B3GLCT: variants seen among roughly 807,000 people sequenced by gnomAD.
The protein encoded by B3GLCT is beta 3-glucosyltransferase, also known as beta-1,3-glucosyltransferase.
B3GLCT carries 65 observed loss-of-function variants against 63.4 expected under a neutral mutation model. That is an observed-to-expected ratio of 1.03 (90% CI 0.84 to 1.26). The LOEUF is 1.26. B3GLCT is among the 50% of genes most tolerant of loss of function. The pLI is 0.00. For synonymous variants in B3GLCT, 233 were observed against 219.2 expected (o/e 1.06, Z -0.55); for missense variants, 577 against 604.8 (o/e 0.95, Z 0.48).
intron 12 of B3GLCT, among the ~76,000 whole-genome samples, chr13:31,316,090 A>G (rs897459970): frequency 6.6e-6 from 1 of 152,138 alleles, no homozygotes; most frequent in Admixed American, 6.5e-5. Flanking sequence ...TGGGGCCCTC[A>G]TGAAGAACTT....
rs959334937 is a variant in B3GLCT, at chr13:31,331,995, T to C, written c.*2327T>C. The C allele has an allele frequency of 5.9e-5, 9 of 152,212 alleles. No homozygotes were observed. The highest frequency in any genetic ancestry group is 2.2e-4 in the African/African-American group (9 of 41,464). 9.4% of individuals were successfully genotyped at this position (152,212 alleles called of 1,614,324 possible). A position where few individuals can be genotyped will look rare whatever the true frequency, so the allele number is the denominator to read the frequency against. On this transcript the variant is annotated 3_prime_UTR_variant, in exon 15 of 15. Coordinates refer to ENST00000343307, the MANE Select transcript of B3GLCT (RefSeq NM_194318.4). ...AGGTTGTCTGACTATGTAGGATTTT[T>C]ACATCTTGAAACTAAATCAGAAATC...
chr13:31,295,869 A>G (rs1430130300), intron 12 of B3GLCT, among the ~76,000 whole-genome samples: 1 of 151,122 alleles, frequency 6.6e-6, no homozygotes, highest in African/African-American at 2.4e-5. Flanking sequence ...GTATAAAAAA[A>G]CTCCTGCAGC....
At chr13:31,248,040 G>T in intron 6 of B3GLCT, 74 bp downstream of exon 6, 1 of 843,004 alleles carries the variant, frequency 1.2e-6, no homozygotes, top group South Asian at 1.5e-5. Flanking sequence ...TGATTAAGAA[G>T]CTTTTGAATC....
At chr13:31,262,414 G>A (rs746035187) in intron 7 of B3GLCT, among the ~76,000 whole-genome samples, 7 of 152,234 alleles carry the variant, frequency 4.6e-5, no homozygotes, top group Non-Finnish European at 1.0e-4. Flanking sequence ...AAGAGCATCT[G>A]CACAGTTTCC....
intron 12 of B3GLCT, among the ~76,000 whole-genome samples, chr13:31,315,083 G>A (rs1037822594): frequency 7.9e-5 from 12 of 152,158 alleles, no homozygotes; most frequent in East Asian, 5.8e-4. Flanking sequence ...ATTAAACCTC[G>A]TTTGCTTCCC....
intron 9 of B3GLCT, 99 bp from the exon 10 acceptor site, chr13:31,276,603 C>T (rs773710706): frequency 4.8e-5 from 38 of 786,534 alleles, no homozygotes; most frequent in Non-Finnish European, 7.1e-5. Flanking sequence ...GTATCCTTGA[C>T]ATTGGTTAAT....
chr13:31,277,171 G>T lies in B3GLCT; in HGVS notation c.850+400G>T, dbSNP rs116030857. On this transcript the variant is annotated intron_variant, in intron 10 of 14. Transcript: ENST00000343307. ...TAACAGCATGCCAACAAAGAAAAAA[G>T]ACTTTTTCTTCTTTTTCAATTTATT... Among the ~76,000 whole-genome samples the T allele has an allele frequency of 6.8e-3, 1,039 of 152,100 alleles. 15 individuals carry two copies. Among genetic ancestry groups the T allele is most frequent in the African/African-American group, 0.021 (855 of 41,524 alleles).
chr13:31,317,341 TCA>T (rs1425013059), intron 12 of B3GLCT, among the ~76,000 whole-genome samples: 3 of 152,246 alleles, frequency 2.0e-5, no homozygotes, highest in Non-Finnish European at 4.4e-5. Context: ...CCCTTGTGTC[TCA>T]GTTTCTCTTC....
rs371382521 is a variant in B3GLCT, at chr13:31,329,945, G to GT, written c.*286dup. The GT allele has an allele frequency of 5.7e-3, 2,342 of 409,680 alleles. No homozygotes were observed. Among genetic ancestry groups the GT allele is most frequent in the East Asian group, 7.7e-3 (152 of 19,750 alleles). 25.4% of individuals were successfully genotyped at this position (409,680 alleles called of 1,614,324 possible). A position where few individuals can be genotyped will look rare whatever the true frequency, so the allele number is the denominator to read the frequency against. ...GTATTCTCCAAGCTGTGATACAGCA[G>GT]TTTTTTTTTATTGTCACAGGGAAAT... On this transcript the variant is annotated 3_prime_UTR_variant, in exon 15 of 15. Transcript: ENST00000343307.
chr13:31,254,817 C>T (rs558558690), intron 6 of B3GLCT, among the ~76,000 whole-genome samples: 25 of 152,134 alleles, frequency 1.6e-4, no homozygotes, highest in Admixed American at 2.0e-4. Flanking sequence ...TTTGGGAGGC[C>T]GAGGTGGGTG....
intron 12 of B3GLCT, among the ~76,000 whole-genome samples, chr13:31,292,972 T>G (rs563837467): frequency 6.6e-6 from 1 of 152,350 alleles, no homozygotes; most frequent in Admixed American, 6.5e-5. Flanking sequence ...CGCTAAACAC[T>G]GCTTTAGCTG....
rs529938696 is a variant in B3GLCT, at chr13:31,314,108, G to A, written c.1065-3458G>A. Reference sequence around the variant, plus strand: ...TAGATTTCAGAAGATGTATGGAAATGCCTGGATGCCCAGGCAAGTTTGCTG... The same window carrying A: ...TAGATTTCAGAAGATGTATGGAAATACCTGGATGCCCAGGCAAGTTTGCTG... On this transcript the variant is annotated intron_variant, in intron 12 of 14. Transcript: ENST00000343307. Among the ~76,000 whole-genome samples the A allele has an allele frequency of 3.5e-4, 54 of 152,316 alleles. No homozygotes were observed. In the South Asian group the frequency reaches 9.9e-3, roughly 28 times the overall value.
At chr13:31,274,413 A>G in intron 8 of B3GLCT, 96 bp from the exon 9 acceptor site, 1 of 1,496,960 alleles carries the variant, frequency 6.7e-7, no homozygotes, top group South Asian at 1.1e-5. Flanking sequence ...CTCTCTATGG[A>G]AGATGTGTTC....
chr13:31,223,891 A>G (rs1173731783), intron 3 of B3GLCT, among the ~76,000 whole-genome samples: 1 of 152,154 alleles, frequency 6.6e-6, no homozygotes, highest in African/African-American at 2.4e-5. Flanking sequence ...CAGTTTCATG[A>G]TGGATAAGCC....
intron 10 of B3GLCT, among the ~76,000 whole-genome samples, chr13:31,281,442 G>C (rs964023597): frequency 6.6e-6 from 1 of 152,086 alleles, no homozygotes; most frequent in Non-Finnish European, 1.5e-5. Flanking sequence ...TAAAAGGTGA[G>C]GCTTGAATTA....
intron 6 of B3GLCT, among the ~76,000 whole-genome samples, chr13:31,254,341 T>G (rs952581680): frequency 6.6e-6 from 1 of 152,236 alleles, no homozygotes; most frequent in Non-Finnish European, 1.5e-5. Flanking sequence ...TCAAGTTGGC[T>G]TCATCCCTGG....
rs1873237776 is a variant in B3GLCT, at chr13:31,284,750, A to G, written c.953A>G (p.Asn318Ser). 6.5e-7 allele frequency: 1 copy of G among 1,531,338 alleles called. No individual in the cohort carries two copies. Among genetic ancestry groups the G allele is most frequent in the South Asian group, 1.1e-5 (1 of 89,354 alleles). 94.9% of individuals were successfully genotyped at this position (1,531,338 alleles called of 1,614,324 possible). A position where few individuals can be genotyped will look rare whatever the true frequency, so the allele number is the denominator to read the frequency against. The change falls in exon 11 of 15, where the codon AAT becomes AGT. Residue 318 changes from asparagine (N) to serine (S), a missense_variant. By Grantham distance (46) the Asn-to-Ser change is conservative. Transcript: ENST00000343307. ...CCTACTGTGGATTTGGGAATTCCTA[A>G]TACAGATAGAGGTGAGTCATAATTC... ...SIPTVDLGIPNTDRGHCGKTF... is the reference protein window; with the variant it reads ...SIPTVDLGIPSTDRGHCGKTF...
intron 3 of B3GLCT, among the ~76,000 whole-genome samples, chr13:31,223,762 A>G (rs1266904750): frequency 6.6e-6 from 1 of 152,192 alleles, no homozygotes; most frequent in African/African-American, 2.4e-5. Flanking sequence ...AGTCTGGAAC[A>G]CAATCAGCCA....
At chr13:31,273,461 T>TA (rs1872656847) in intron 8 of B3GLCT, among the ~76,000 whole-genome samples, 1 of 152,072 alleles carries the variant, frequency 6.6e-6, no homozygotes. Flanking sequence ...TCTCACGTTT[T>TA]AAAGTTTTTC....
Sources: allele counts gnomAD v4.1 joint callset (sites outside exome capture counted in the v4.1 genomes callset), GRCh38; gene constraint gnomAD v4.1.1; transcripts MANE v1.5; gene names NCBI Gene and HGNC (gene_info 2026-07-23, HGNC 2026-07-21).